The following HRH4 variants were observed in gnomAD, a reference collection of about 807,000 sequenced individuals.
HRH4 encodes histamine H4 receptor.
Under a neutral mutation model 10.4 loss-of-function variants are expected in HRH4, and 12 were observed. The ratio of observed to expected loss-of-function variants is 1.15; its 90% CI spans 0.74 to 1.87. HRH4 has a LOEUF of 1.87. HRH4 is among the 40% of genes most tolerant of loss of function. The pLI is 0.00. For missense variants in HRH4, 415 were observed against 453.3 expected (o/e 0.92, Z 0.77); for synonymous variants, 154 against 166.6 (o/e 0.92, Z 0.58).
intron 2 of HRH4, among the ~76,000 whole-genome samples, chr18:24,473,893 T>C (rs1403015026): frequency 6.6e-6 from 1 of 152,292 alleles, no homozygotes; most frequent in South Asian, 2.1e-4. Context: ...AGAGACAGTG[T>C]CCTGAATAAT....
At chr18:24,475,007 G>A (rs566014208) in intron 2 of HRH4, among the ~76,000 whole-genome samples, 1 of 152,178 alleles carries the variant, frequency 6.6e-6, no homozygotes, top group Admixed American at 6.5e-5. Flanking sequence ...TTTAAATGAG[G>A]TTCAGAGAGT....
At position 24,477,891 on chromosome 18, in the gene HRH4, G is replaced by A. The variant is rs528572842; in HGVS notation, c.*329G>A. 7.0e-5 allele frequency: 13 copies of A among 186,622 alleles called. No individual in the cohort carries two copies. In the South Asian group the frequency reaches 8.1e-4, roughly 12 times the overall value. The allele number at this position is 186,622 out of a possible 1,614,324, so 11.6% of individuals were successfully genotyped here. On this transcript the variant is annotated 3_prime_UTR_variant, in exon 3 of 3. Coordinates refer to ENST00000256906, the MANE Select transcript of HRH4 (RefSeq NM_021624.4). ...TGAATTTCTCTTTTTTAATTTTATCGTAATAGAAACTTATCCAGTTTGAAA... is the reference window on the plus strand; with the variant it reads ...TGAATTTCTCTTTTTTAATTTTATCATAATAGAAACTTATCCAGTTTGAAA...
rs1441738200 is a variant in HRH4, at chr18:24,468,642, T to C, written c.194-146T>C. On this transcript the variant is annotated intron_variant, in intron 1 of 2. Coordinates refer to ENST00000256906, the MANE Select transcript of HRH4 (RefSeq NM_021624.4). ...TGTAGAAAATCAGTCCTGAGCTGCT[T>C]GATGAAATACCGTGAATTTCTAAAT... 4 of 775,652 alleles carry C rather than the reference T, an allele frequency of 5.2e-6. No homozygotes were observed. The African/African-American group carries it at 5.4e-5, about 10-fold the overall frequency. 48.0% of individuals were successfully genotyped at this position (775,652 alleles called of 1,614,324 possible).
intron 2 of HRH4, among the ~76,000 whole-genome samples, chr18:24,469,880 C>T (rs1167411674): frequency 6.6e-6 from 1 of 152,122 alleles, no homozygotes; most frequent in East Asian, 1.9e-4. Context: ...AGCACAGTAT[C>T]TGATCGGTAG....
In HRH4 at chr18:24,476,976, ATATT is replaced by A; in HGVS notation, c.592_595del (p.Tyr198GlyfsTer18). The A allele has an allele frequency of 1.2e-6, 2 of 1,614,180 alleles. No individual in the cohort carries two copies. The highest frequency in any genetic ancestry group is 2.2e-5 in the South Asian group (2 of 91,082). ...ATCTTAGTCGCTTATTTCAACATGA[ATATT>A]TATTGGAGCCTGTGGAAGCGTGATC... On this transcript the variant is annotated frameshift_variant, in exon 3 of 3. Coordinates refer to ENST00000256906, the MANE Select transcript of HRH4 (RefSeq NM_021624.4). LOFTEE classifies it low-confidence loss of function (END_TRUNC).
intron 2 of HRH4, among the ~76,000 whole-genome samples, chr18:24,470,928 A>AT (rs34845198): frequency 0.037 from 5,178 of 140,918 alleles, 302 homozygotes; most frequent in African/African-American, 0.13. Flanking sequence ...AGAGCAAGGG[A>AT]TTTTTTTTTT....
At chr18:24,464,378 G>A (rs1330144079) in intron 1 of HRH4, among the ~76,000 whole-genome samples, 1 of 152,058 alleles carries the variant, frequency 6.6e-6, no homozygotes, top group Non-Finnish European at 1.5e-5. Flanking sequence ...CACACTATTG[G>A]ATCAGGGCCC....
In HRH4 at chr18:24,479,298, T is replaced by A. The variant is rs1197153027; in HGVS notation, c.*1736T>A. The A allele has an allele frequency of 6.6e-6, 1 of 152,250 alleles. No homozygotes were observed. Among genetic ancestry groups the A allele is most frequent in the African/African-American group, 2.4e-5 (1 of 41,474 alleles). The allele number at this position is 152,250 out of a possible 1,614,324, so 9.4% of individuals were successfully genotyped here. A position where few individuals can be genotyped will look rare whatever the true frequency, so the allele number is the denominator to read the frequency against. ...ATTGCCTGTATGTCAATTATTATTT[T>A]AAAATATTGTTGTATTTACTTAATG... On this transcript the variant is annotated 3_prime_UTR_variant, in exon 3 of 3. Coordinates refer to ENST00000256906, the MANE Select transcript of HRH4 (RefSeq NM_021624.4).
chr18:24,475,100 T>C (rs1352074385), intron 2 of HRH4, among the ~76,000 whole-genome samples: 1 of 152,180 alleles, frequency 6.6e-6, no homozygotes, highest in African/African-American at 2.4e-5. Flanking sequence ...TAGAAGACAT[T>C]ATTAAAGATT....
chr18:24,472,743 T>G (rs1221003806), intron 2 of HRH4, among the ~76,000 whole-genome samples: 1 of 152,188 alleles, frequency 6.6e-6, no homozygotes, highest in African/African-American at 2.4e-5. Context: ...GTGGAGCACA[T>G]GATTACAGTC....
At chr18:24,466,283 T>G (rs918603963) in intron 1 of HRH4, among the ~76,000 whole-genome samples, 1 of 85,828 alleles carries the variant, frequency 1.2e-5, no homozygotes, top group Admixed American at 1.8e-4. Flanking sequence ...CAGCTAATTT[T>G]TGTATTTTTT....
chr18:24,475,513 C>T (rs1375020926), intron 2 of HRH4, among the ~76,000 whole-genome samples: 1 of 151,786 alleles, frequency 6.6e-6, no homozygotes. Flanking sequence ...TGGTCCTAGC[C>T]ACTTGGGAGG....
At position 24,477,430 on chromosome 18, in the gene HRH4, G is replaced by C; in HGVS notation, c.1041G>C (p.Gln347His). ...SVWYRIAFWLQWFNSFVNPLL... is the reference protein window; with the variant it reads ...SVWYRIAFWLHWFNSFVNPLL... ...GGTATAGAATTGCATTTTGGCTTCA[G>C]TGGTTCAATTCCTTTGTCAATCCTC... The change falls in exon 3 of 3, where the codon CAG becomes CAC. Residue 347 changes from glutamine to histidine, a missense_variant. By Grantham distance (24) the Gln-to-His change is conservative. Transcript: ENST00000256906. 1 of 1,614,162 alleles carries C rather than the reference G, an allele frequency of 6.2e-7. No individual in the cohort carries two copies. The highest frequency in any genetic ancestry group is 8.5e-7 in the Non-Finnish European group (1 of 1,180,004).
Position 24,477,751 on chromosome 18 carries a change from A to G in HRH4, c.*189A>G, listed in dbSNP as rs1221463728. ...TTTGTAAACTTGTAGTCATAATAGT[A>G]CTATATTCTTCTTAGTCCTCACCTC... On this transcript the variant is annotated 3_prime_UTR_variant, in exon 3 of 3. Coordinates refer to ENST00000256906, the MANE Select transcript of HRH4 (RefSeq NM_021624.4). 4 of 472,728 alleles carry G rather than the reference A, an allele frequency of 8.5e-6. No homozygotes were observed. Among genetic ancestry groups the G allele is most frequent in the Middle Eastern group, 5.5e-4 (1 of 1,830 alleles). 29.3% of individuals were successfully genotyped at this position (472,728 alleles called of 1,614,324 possible).
chr18:24,467,866 A>G (rs377019521), intron 1 of HRH4, among the ~76,000 whole-genome samples: 16 of 152,214 alleles, frequency 1.1e-4, no homozygotes, highest in Admixed American at 7.2e-4. Context: ...TTAGTAGAAG[A>G]CAGGTGGACA....
intron 1 of HRH4, among the ~76,000 whole-genome samples, chr18:24,464,907 T>C (rs1351647639): frequency 6.6e-6 from 1 of 152,048 alleles, no homozygotes; most frequent in East Asian, 1.9e-4. Flanking sequence ...TAATTGCTAC[T>C]GAAAAAAATG....
chr18:24,477,093 G>A lies in HRH4; in HGVS notation c.704G>A (p.Arg235Lys). 6.2e-7 allele frequency: 1 copy of A among 1,614,198 alleles called. No homozygotes were observed. The highest frequency in any genetic ancestry group is 8.5e-7 in the Non-Finnish European group (1 of 1,180,028). The change falls in exon 3 of 3, where the codon AGG (arginine) becomes AAG (lysine). Residue 235 changes from arginine to lysine, a missense_variant. Arg to Lys is a conservative substitution (Grantham distance 26). Coordinates refer to ENST00000256906, the MANE Select transcript of HRH4 (RefSeq NM_021624.4). ...GHSFRGRLSS[R>K]RSLSASTEVP... ...TCATTCAGAGGTAGACTATCTTCAA[G>A]GAGATCTCTTTCTGCATCGACAGAA...
chr18:24,464,654 C>T (rs1266074445), intron 1 of HRH4, among the ~76,000 whole-genome samples: 7 of 152,060 alleles, frequency 4.6e-5, no homozygotes, highest in Admixed American at 2.6e-4. Flanking sequence ...AAAGAAGGGA[C>T]GATGCCAGAT....
In HRH4 at chr18:24,460,927, TTA is replaced by T; in HGVS notation, c.193+10_193+11del. The T allele has an allele frequency of 6.7e-7, 1 of 1,501,220 alleles. No individual in the cohort carries two copies. Among genetic ancestry groups the T allele is most frequent in the Non-Finnish European group, 9.1e-7 (1 of 1,101,424 alleles). The allele number at this position is 1,501,220 out of a possible 1,614,324, so 93.0% of individuals were successfully genotyped here. A position where few individuals can be genotyped will look rare whatever the true frequency, so the allele number is the denominator to read the frequency against. On this transcript the variant is annotated splice_region_variant and intron_variant, in intron 1 of 2. Transcript: ENST00000256906. ...CATCTCTGACTTCTTTGTGGGTAAGTTATATGTCTTTATTTAAGACAGTCTTT... is the reference window on the plus strand; with the variant it reads ...CATCTCTGACTTCTTTGTGGGTAAGTTATGTCTTTATTTAAGACAGTCTTT...
Sources: gnomAD v4.1 joint callset for allele counts (sites outside exome capture counted in the v4.1 genomes callset) on GRCh38, gnomAD v4.1.1 for gene constraint, MANE v1.5 for transcripts, NCBI Gene and HGNC (gene_info 2026-07-23, HGNC 2026-07-21) for gene names.